SMYD3: variants seen among roughly 807,000 people sequenced by gnomAD.
SMYD3 encodes SET and MYND domain containing 3, also known as histone-lysine N-methyltransferase SMYD3.
Under a neutral mutation model 57.7 loss-of-function variants are expected in SMYD3, and 36 were observed. The ratio of observed to expected loss-of-function variants is 0.62; its 90% CI spans 0.48 to 0.82. The LOEUF is 0.82. SMYD3 is among the 40% of genes least tolerant of loss of function. SMYD3 has a pLI of 0.00. For synonymous variants in SMYD3, 211 were observed against 195.0 expected (o/e 1.08, Z -0.68); for missense variants, 515 against 538.8 (o/e 0.96, Z 0.44).
At chr1:246,107,624 A>G (rs2061154915) in intron 5 of SMYD3, among the ~76,000 whole-genome samples, 3 of 152,240 alleles carry the variant, frequency 2.0e-5, no homozygotes, top group Admixed American at 2.0e-4. Context: ...TATTAAATAA[A>G]TAAAATCCCA....
chr1:246,217,170 A>G (rs779010164), intron 5 of SMYD3, among the ~76,000 whole-genome samples: 23 of 152,182 alleles, frequency 1.5e-4, no homozygotes, highest in Admixed American at 3.3e-4. Flanking sequence ...CCTCAAGCCC[A>G]GAAATTAACC....
At chr1:245,971,312 G>A (rs894777575) in intron 5 of SMYD3, among the ~76,000 whole-genome samples, 1 of 152,170 alleles carries the variant, frequency 6.6e-6, no homozygotes, top group African/African-American at 2.4e-5. Flanking sequence ...TGGGGCTAGG[G>A]GAGAGATAGC....
chr1:246,381,361 C>A (rs2066382854), intron 1 of SMYD3, among the ~76,000 whole-genome samples: 1 of 152,146 alleles, frequency 6.6e-6, no homozygotes, highest in African/African-American at 2.4e-5. Flanking sequence ...TATTATGATA[C>A]CTGAAATTAT....
intron 5 of SMYD3, among the ~76,000 whole-genome samples, chr1:246,292,057 A>G (rs551884451): frequency 2.2e-4 from 34 of 152,022 alleles, no homozygotes; most frequent in Non-Finnish European, 4.7e-4. Flanking sequence ...CCAGTACATT[A>G]GACTTACTAT....
chr1:246,440,606 T>C (rs11576532), intron 1 of SMYD3, among the ~76,000 whole-genome samples: 172 of 152,100 alleles, frequency 1.1e-3, no homozygotes, highest in Non-Finnish European at 2.0e-3. Context: ...TATATATCTA[T>C]GAAAAAAAAT....
At chr1:246,058,927 T>C (rs1240635374) in intron 5 of SMYD3, among the ~76,000 whole-genome samples, 1 of 150,712 alleles carries the variant, frequency 6.6e-6, no homozygotes, top group Non-Finnish European at 1.5e-5. Context: ...CAGGCTGGAG[T>C]GCAGTGGCAT....
At chr1:246,386,408 T>C (rs1467960057) in intron 1 of SMYD3, among the ~76,000 whole-genome samples, 2 of 152,180 alleles carry the variant, frequency 1.3e-5, no homozygotes, top group Non-Finnish European at 2.9e-5. Context: ...TTCAGTGTTG[T>C]CAGGAACCAA....
intron 5 of SMYD3, among the ~76,000 whole-genome samples, chr1:246,221,251 C>T (rs982604168): frequency 4.6e-5 from 7 of 152,142 alleles, no homozygotes; most frequent in East Asian, 3.9e-4. Flanking sequence ...ATCCTGGCTA[C>T]GGAGAGGACC....
At chr1:246,378,774 A>ATTTAATATATTTATATATTATATATAT (rs1413595129) in intron 1 of SMYD3, among the ~76,000 whole-genome samples, 1 of 113,412 alleles carries the variant, frequency 8.8e-6, no homozygotes, top group African/African-American at 3.7e-5. Flanking sequence ...ATTATATATA[A>ATTTAATATATTTATATATTATATATAT]TTTAATATAT....
At chr1:245,765,550 T>C (rs1041326491) in intron 10 of SMYD3, among the ~76,000 whole-genome samples, 4 of 152,104 alleles carry the variant, frequency 2.6e-5, no homozygotes, top group African/African-American at 9.7e-5. Context: ...GTTTGTTGAA[T>C]TGAACTGAGA....
intron 5 of SMYD3, among the ~76,000 whole-genome samples, chr1:246,304,802 A>G (rs755083359): frequency 1.9e-4 from 29 of 152,176 alleles, no homozygotes; most frequent in Non-Finnish European, 3.7e-4. Flanking sequence ...CTACAAATTA[A>G]TAACTTCATA....
chr1:246,220,107 G>T lies in SMYD3; in HGVS notation c.531+107094C>A, dbSNP rs540654846. On this transcript the variant is annotated intron_variant, in intron 5 of 11. Transcript: ENST00000490107. ...CTAAACGCAATTTTTTGGCATTTAC[G>T]TTCCTCTAAGCCCAGCCTTAAATTT... 2.0e-5 allele frequency among the ~76,000 whole-genome samples: 3 copies of T among 152,158 alleles called. No individual in the cohort carries two copies. In the East Asian group the frequency reaches 5.8e-4, roughly 29 times the overall value.
intron 5 of SMYD3, among the ~76,000 whole-genome samples, chr1:246,238,893 GTT>G (rs35415664): frequency 1.4e-4 from 18 of 133,110 alleles, no homozygotes; most frequent in East Asian, 1.3e-3. Context: ...TCTTTGTTTG[GTT>G]TTTTTTTTTT....
chr1:246,154,437 C>T (rs534931357), intron 5 of SMYD3, among the ~76,000 whole-genome samples: 4 of 152,274 alleles, frequency 2.6e-5, no homozygotes, highest in South Asian at 2.1e-4. Context: ...CCCCCGCTCA[C>T]GGCACAGAAG....
rs2065264944 is a variant in SMYD3, at chr1:246,322,391, A to C, written c.531+4810T>G. The C allele has an allele frequency of 2.6e-5, 4 of 152,148 alleles. No individual in the cohort carries two copies. The South Asian group carries it at 8.3e-4, about 32-fold the overall frequency. 9.4% of individuals were successfully genotyped at this position (152,148 alleles called of 1,614,324 possible). ...CCAAAGAGGGGGAAAAAAATCTCAAAGGAAATTTTGTTTGAAAATGGAAGT... is the reference window on the plus strand; with the variant it reads ...CCAAAGAGGGGGAAAAAAATCTCAACGGAAATTTTGTTTGAAAATGGAAGT... On this transcript the variant is annotated intron_variant, in intron 5 of 11. Transcript: ENST00000490107.
intron 5 of SMYD3, among the ~76,000 whole-genome samples, chr1:246,110,168 C>T (rs1303556125): frequency 6.6e-6 from 1 of 152,168 alleles, no homozygotes; most frequent in East Asian, 1.9e-4. Flanking sequence ...GTACATGCCA[C>T]TGAGTAAGGG....
intron 11 of SMYD3, among the ~76,000 whole-genome samples, chr1:245,751,944 C>G (rs1231453466): frequency 6.6e-6 from 1 of 152,208 alleles, no homozygotes; most frequent in African/African-American, 2.4e-5. Flanking sequence ...TTCCCCTGGG[C>G]AGAAGATTAA....
At chr1:245,954,838 A>T (rs370096389) in intron 5 of SMYD3, among the ~76,000 whole-genome samples, 7 of 152,208 alleles carry the variant, frequency 4.6e-5, no homozygotes, top group African/African-American at 1.4e-4. Flanking sequence ...TTCCAAGTCA[A>T]TCTCTCTGGT....
At chr1:245,838,265 G>C (rs572840928) in intron 10 of SMYD3, among the ~76,000 whole-genome samples, 1 of 152,196 alleles carries the variant, frequency 6.6e-6, no homozygotes, top group African/African-American at 2.4e-5. Flanking sequence ...GTGGGCTTAG[G>C]GGGCACAGAC....
Sources: allele counts gnomAD v4.1 joint callset (sites outside exome capture counted in the v4.1 genomes callset), GRCh38; gene constraint gnomAD v4.1.1; transcripts MANE v1.5; gene names NCBI Gene and HGNC (gene_info 2026-07-23, HGNC 2026-07-21).